TBX1: variants seen among roughly 807,000 people sequenced by gnomAD.
TBX1 encodes the protein T-box transcription factor TBX1.
Under a neutral mutation model 40.8 loss-of-function variants are expected in TBX1, and 16 were observed. The observed-to-expected ratio is 0.39, with a 90% CI of 0.27 to 0.60. The LOEUF (loss-of-function observed/expected upper bound fraction) is 0.60. TBX1 is among the 20% of genes least tolerant of loss of function. The probability of loss-of-function intolerance (pLI) is 0.51; values close to 1 mark genes in which losing one functional copy is unlikely to be tolerated. For synonymous variants in TBX1, 403 were observed against 336.8 expected (o/e 1.20, Z -2.15); for missense variants, 755 against 728.5 (o/e 1.04, Z -0.42).
At chr22:19,778,715 A>C (rs1032135205) in intron 8 of TBX1, among the ~76,000 whole-genome samples, 4 of 152,178 alleles carry the variant, frequency 2.6e-5, no homozygotes, top group Admixed American at 6.5e-5. Context: ...GATTGTAGGC[A>C]TGAGCCACCG....
chr22:19,756,795 C>G (rs961089801), upstream of TBX1: 1 of 152,362 alleles, frequency 6.6e-6, no homozygotes, highest in African/African-American at 2.4e-5. Flanking sequence ...GCGCTGCGTT[C>G]GCGTGCGGAA....
chr22:19,761,320 G>C, intron 1 of TBX1, 40 bp downstream of exon 1: 1 of 1,517,642 alleles, frequency 6.6e-7, no homozygotes, highest in Non-Finnish European at 8.9e-7. Flanking sequence ...CTCCCCACGT[G>C]CTGCCGCCAG....
downstream of TBX1, chr22:19,782,764 T>C (rs1937154074): frequency 7.2e-7 from 1 of 1,398,276 alleles, no homozygotes; most frequent in African/African-American, 1.4e-5. Context: ...TCTAGCTCCT[T>C]CCCTGTTTCT....
Position 19,764,212 on chromosome 22 carries a change from A to T in TBX1, c.597A>T (p.Pro199=). The T allele has an allele frequency of 6.2e-7, 1 of 1,612,972 alleles. No homozygotes were observed. The highest frequency in any genetic ancestry group is 1.7e-4 in the Middle Eastern group (1 of 6,060). Residue 199 remains proline (P), a synonymous_variant, in exon 3 of 7, where the codon CCA becomes CCT. Transcript: ENST00000649276. Reference sequence around the variant, plus strand: ...CGGGGAAGGCCGACCCTGCCACGCCAGGCCGCGTGCACTACCACCCGGACT... The same window carrying T: ...CGGGGAAGGCCGACCCTGCCACGCCTGGCCGCGTGCACTACCACCCGGACT... ...LVAGKADPAT[P]GRVHYHPDSP... is the part of the protein sequence containing the mutation.
At chr22:19,772,165 C>T (rs1184364340), downstream of TBX1, among the ~76,000 whole-genome samples, 1 of 149,876 alleles carries the variant, frequency 6.7e-6, no homozygotes, top group Non-Finnish European at 1.5e-5. Flanking sequence ...TGCAGTGGCA[C>T]AATCTCAGTT....
At position 19,766,364 on chromosome 22, in the gene TBX1, G is replaced by A. The variant is rs909617699; in HGVS notation, c.1037-25G>A. Reference sequence around the variant, plus strand: ...CTCCTCGGCGGCCCCGGCCGGCCGCGCTCACTCCTCGGCCCTCTCCGCAGA... The same window carrying A: ...CTCCTCGGCGGCCCCGGCCGGCCGCACTCACTCCTCGGCCCTCTCCGCAGA... On this transcript the variant is annotated intron_variant, in intron 6 of 6. Coordinates refer to ENST00000649276, the MANE Select transcript of TBX1 (RefSeq NM_001379200.1). 3 of 1,261,550 alleles carry A rather than the reference G, an allele frequency of 2.4e-6. No individual in the cohort carries two copies. In the East Asian group the frequency reaches 1.0e-4, roughly 42 times the overall value. 78.1% of individuals were successfully genotyped at this position (1,261,550 alleles called of 1,614,324 possible). A position where few individuals can be genotyped will look rare whatever the true frequency, so the allele number is the denominator to read the frequency against.
At chr22:19,780,852 G>A (rs1158926347), downstream of TBX1, among the ~76,000 whole-genome samples, 1 of 138,946 alleles carries the variant, frequency 7.2e-6, no homozygotes, top group Non-Finnish European at 1.5e-5. Context: ...GCGCGATCTC[G>A]GCTCACTGCA....
At chr22:19,760,520 C>A (rs1936611414), upstream of TBX1, among the ~76,000 whole-genome samples, 1 of 145,132 alleles carries the variant, frequency 6.9e-6, no homozygotes. Flanking sequence ...AGAGCGAGGG[C>A]CGGCCGACGG....
In TBX1 at chr22:19,763,321, C is replaced by T. The variant is rs766205381; in HGVS notation, c.518C>T (p.Pro173Leu). The change falls in exon 2 of 7, where the codon CCG (proline) becomes CTG (leucine). Residue 173 changes from proline to leucine, a missense_variant. Physicochemically the swap from Pro to Leu is moderately conservative, Grantham distance 98. This residue lies in a region of TBX1 where 144 missense variants were observed against 238.0 expected (regional missense o/e 0.61). Coordinates refer to ENST00000649276, the MANE Select transcript of TBX1 (RefSeq NM_001379200.1). Reference sequence around the variant, plus strand: ...TATATGCTGCTCATGGACTTCGTGCCGGTGGACGATAAGCGCTACCGGTGA... The same window carrying T: ...TATATGCTGCTCATGGACTTCGTGCTGGTGGACGATAAGCGCTACCGGTGA... ...ADYMLLMDFVPVDDKRYRYAF... is the reference protein window; with the variant it reads ...ADYMLLMDFVLVDDKRYRYAF... 14 of 1,614,060 alleles carry T rather than the reference C, an allele frequency of 8.7e-6. No individual in the cohort carries two copies. Among genetic ancestry groups the T allele is most frequent in the South Asian group, 4.4e-5 (4 of 91,090 alleles).
At chr22:19,765,213 G>T in intron 4 of TBX1, 100 bp downstream of exon 4, 1 of 1,562,626 alleles carries the variant, frequency 6.4e-7, no homozygotes, top group Non-Finnish European at 8.8e-7. Context: ...GCTTAGACCT[G>T]CAGGCTGTGG....
chr22:19,761,096 G>T lies in TBX1; in HGVS notation c.253G>T (p.Ala85Ser), dbSNP rs769629385. ...PPHAYPFAPA[A>S]GAATSAAAEP... is the part of the protein sequence containing the mutation. ...GCACGCCTACCCGTTTGCGCCGGCC[G>T]CCGGGGCCGCCACCAGCGCCGCCGC... The change falls in exon 1 of 7, where the codon GCC becomes TCC. Residue 85 changes from alanine to serine, a missense_variant. Physicochemically the swap from Ala to Ser is moderately conservative, Grantham distance 99. This residue lies in a region of TBX1 where 199 missense variants were observed against 173.0 expected (regional missense o/e 1.15). Transcript: ENST00000649276. 2 of 1,121,162 alleles carry T rather than the reference G, an allele frequency of 1.8e-6. No homozygotes were observed. The highest frequency in any genetic ancestry group is 2.2e-6 in the Non-Finnish European group (2 of 910,166). 69.5% of individuals were successfully genotyped at this position (1,121,162 alleles called of 1,614,324 possible).
At chr22:19,768,297 A>G (rs1936924240), downstream of TBX1, among the ~76,000 whole-genome samples, 1 of 152,254 alleles carries the variant, frequency 6.6e-6, no homozygotes, top group Non-Finnish European at 1.5e-5. Flanking sequence ...CCGAGGGCAC[A>G]GCCAGGAGTT....
downstream of TBX1, among the ~76,000 whole-genome samples, chr22:19,768,950 A>ATTTTTTTTTTTTTT (rs1601297935): frequency 1.3e-4 from 9 of 70,710 alleles, no homozygotes; most frequent in South Asian, 6.0e-4. Context: ...GGCTGTTCGC[A>ATTTTTTTTTTTTTT]TTCTTTTTTT....
At chr22:19,757,953 G>T (rs1445193754), upstream of TBX1, among the ~76,000 whole-genome samples, 1 of 152,166 alleles carries the variant, frequency 6.6e-6, no homozygotes, top group African/African-American at 2.4e-5. Context: ...CAGGGGTTGT[G>T]GGGGGCAGGA....
chr22:19,759,826 C>A, upstream of TBX1: 1 of 1,000,316 alleles, frequency 1.0e-6, no homozygotes, highest in Non-Finnish European at 1.5e-6. Context: ...AGAGGAAGAG[C>A]CGGCATCCCG....
downstream of TBX1, chr22:19,782,814 A>T: frequency 1.2e-6 from 2 of 1,605,608 alleles, no homozygotes; most frequent in Non-Finnish European, 1.7e-6. Context: ...CTTGCTACAC[A>T]AAGAGAAACA....
upstream of TBX1, chr22:19,759,461 C>A: frequency 1.4e-6 from 2 of 1,424,576 alleles, no homozygotes; most frequent in Non-Finnish European, 9.1e-7. Context: ...CACACGCAGT[C>A]GGAGGCGGCG....
chr22:19,766,088 C>G, intron 6 of TBX1, 86 bp downstream of exon 6: 1 of 1,186,436 alleles, frequency 8.4e-7, no homozygotes, highest in South Asian at 2.3e-5. Flanking sequence ...CGCCTGCGCC[C>G]CCGGGGCGCT....
At chr22:19,757,150 TG>T (rs41298643), upstream of TBX1, among the ~76,000 whole-genome samples, 4,001 of 152,082 alleles carry the variant, frequency 0.026, 172 homozygotes, top group African/African-American at 0.092. Flanking sequence ...AGGCAGCCGG[TG>T]GGGTAGGGTC....
Sources: allele counts gnomAD v4.1 joint callset (sites outside exome capture counted in the v4.1 genomes callset), GRCh38; gene constraint gnomAD v4.1.1; regional missense constraint gnomAD v4.1.1; transcripts MANE v1.5; gene names NCBI Gene and HGNC (gene_info 2026-07-23, HGNC 2026-07-21).